Variants in STXBP5L observed in about 807,000 individuals in gnomAD.
STXBP5L encodes the protein syntaxin binding protein 5L.
Under a neutral mutation model 144.5 loss-of-function variants are expected in STXBP5L, and 65 were observed. The ratio of observed to expected loss-of-function variants is 0.45; its 90% CI spans 0.37 to 0.55. STXBP5L has a LOEUF of 0.55. Ranked by LOEUF, STXBP5L falls within the 20% of genes least tolerant of loss-of-function variation. The pLI, the probability that STXBP5L is intolerant of heterozygous loss-of-function variation, is 0.00. For missense variants in STXBP5L, 1,298 were observed against 1,405.5 expected, an observed-to-expected ratio of 0.92 and a Z score of 1.22; for synonymous variants, 505 against 469.6, an observed-to-expected ratio of 1.08 and a Z score of -0.97.
At chr3:121,350,609 A>G (rs2045236841) in intron 20 of STXBP5L, among the ~76,000 whole-genome samples, 1 of 152,062 alleles carries the variant, frequency 6.6e-6, no homozygotes. Flanking sequence ...TCTGATGTAG[A>G]TTTGGTATTT....
At chr3:121,260,962 G>A (rs1482551237) in intron 18 of STXBP5L, among the ~76,000 whole-genome samples, 1 of 152,180 alleles carries the variant, frequency 6.6e-6, no homozygotes, top group Non-Finnish European at 1.5e-5. Flanking sequence ...GGAATGGACT[G>A]TGGGATAGCC....
At chr3:121,395,979 T>G (rs2046720516) in intron 22 of STXBP5L, among the ~76,000 whole-genome samples, 1 of 152,256 alleles carries the variant, frequency 6.6e-6, no homozygotes, top group African/African-American at 2.4e-5. Flanking sequence ...GGTGTCTTGA[T>G]GGTATCCAAA....
intron 8 of STXBP5L, among the ~76,000 whole-genome samples, chr3:121,157,111 T>C (rs1318258098): frequency 6.6e-6 from 1 of 152,130 alleles, no homozygotes; most frequent in Admixed American, 6.6e-5. Context: ...GAGAACGTTT[T>C]TCGTAGTTAG....
chr3:121,348,346 G>A (rs1251983894), intron 20 of STXBP5L, among the ~76,000 whole-genome samples: 4 of 152,120 alleles, frequency 2.6e-5, no homozygotes, highest in Non-Finnish European at 5.9e-5. Flanking sequence ...ATGTGCTGCT[G>A]GATTCGGTTT....
At chr3:120,940,457 T>C (rs1052155404) in intron 2 of STXBP5L, among the ~76,000 whole-genome samples, 4 of 151,874 alleles carry the variant, frequency 2.6e-5, no homozygotes, top group African/African-American at 9.7e-5. Flanking sequence ...GAGGCTGATA[T>C]TAATTAGTGA....
intron 3 of STXBP5L, among the ~76,000 whole-genome samples, chr3:121,028,178 A>G (rs999800663): frequency 2.0e-5 from 3 of 152,120 alleles, no homozygotes; most frequent in African/African-American, 4.8e-5. Flanking sequence ...CAGCTGAATT[A>G]TTTCAAAATC....
chr3:120,960,969 A>T (rs1366252752), intron 3 of STXBP5L, among the ~76,000 whole-genome samples: 1 of 151,622 alleles, frequency 6.6e-6, no homozygotes, highest in Non-Finnish European at 1.5e-5. Flanking sequence ...TTGGTGAAAG[A>T]TTTTTTTTAA....
chr3:121,032,433 C>G (rs574069958), intron 3 of STXBP5L, among the ~76,000 whole-genome samples: 2 of 152,212 alleles, frequency 1.3e-5, no homozygotes, highest in African/African-American at 2.4e-5. Context: ...TTATTAGCCA[C>G]TAGGTAATAA....
intron 2 of STXBP5L, among the ~76,000 whole-genome samples, chr3:120,941,419 A>T (rs1576454530): frequency 6.6e-6 from 1 of 151,884 alleles, no homozygotes; most frequent in East Asian, 1.9e-4. Flanking sequence ...GCATTATATA[A>T]TTCAGTTTAA....
intron 14 of STXBP5L, among the ~76,000 whole-genome samples, chr3:121,244,285 A>G (rs1012423271): frequency 3.3e-5 from 5 of 152,020 alleles, no homozygotes; most frequent in African/African-American, 4.8e-5. Flanking sequence ...TTCATTACAG[A>G]GTGTCAACAA....
At chr3:121,008,593 C>T (rs933401851) in intron 3 of STXBP5L, among the ~76,000 whole-genome samples, 7 of 151,990 alleles carry the variant, frequency 4.6e-5, no homozygotes, top group African/African-American at 1.4e-4. Context: ...TAATAACACA[C>T]TTAAAACTAT....
chr3:120,953,949 A>G (rs1271669288), intron 2 of STXBP5L, among the ~76,000 whole-genome samples: 1 of 152,286 alleles, frequency 6.6e-6, no homozygotes, highest in East Asian at 1.9e-4. Flanking sequence ...TTTTTTATAC[A>G]TGCCATTTAT....
intron 3 of STXBP5L, among the ~76,000 whole-genome samples, chr3:121,036,659 G>T (rs1946772405): frequency 6.6e-6 from 1 of 151,712 alleles, no homozygotes; most frequent in African/African-American, 2.4e-5. Flanking sequence ...ACTTTTCCTA[G>T]TTTACTGGGA....
At chr3:121,208,947 T>C (rs1000926845) in intron 10 of STXBP5L, among the ~76,000 whole-genome samples, 8 of 151,962 alleles carry the variant, frequency 5.3e-5, no homozygotes, top group Non-Finnish European at 1.0e-4. Context: ...GGCCACGGTG[T>C]GTGATGTTCC....
rs573616736 is a variant in STXBP5L at position 121,080,344 on chromosome 3, A to T, written c.471-34581A>T. 5.9e-5 allele frequency among the ~76,000 whole-genome samples: 9 copies of T among 152,124 alleles called. No individual in the cohort carries two copies. In the East Asian group the frequency reaches 1.7e-3, roughly 29 times the overall value. On this transcript the variant is annotated intron_variant, in intron 5 of 26. Coordinates refer to ENST00000471454, the MANE Select transcript of STXBP5L (RefSeq NM_001308330.2). ...CATTCAATATTAGTATTGAGATGTG[A>T]GGTATTGTTCTATTCATCATGTTAG...
At chr3:121,135,912 G>A (rs1042947969) in intron 7 of STXBP5L, among the ~76,000 whole-genome samples, 2 of 152,180 alleles carry the variant, frequency 1.3e-5, no homozygotes, top group Non-Finnish European at 2.9e-5. Context: ...ATCCTCAGTG[G>A]CAGGCGGGCT....
chr3:121,178,800 C>T (rs1195906033), intron 9 of STXBP5L, among the ~76,000 whole-genome samples: 1 of 152,110 alleles, frequency 6.6e-6, no homozygotes, highest in East Asian at 1.9e-4. Context: ...GGGAAGCCAT[C>T]CCTGACTATA....
intron 3 of STXBP5L, among the ~76,000 whole-genome samples, chr3:121,028,264 TAATA>T (rs748720358): frequency 1.3e-5 from 2 of 152,096 alleles, no homozygotes; most frequent in Non-Finnish European, 2.9e-5. Context: ...ATTATGCTAT[TAATA>T]AATAGAAATA....
intron 24 of STXBP5L, among the ~76,000 whole-genome samples, chr3:121,415,581 A>G (rs910494033): frequency 4.6e-5 from 7 of 152,168 alleles, no homozygotes; most frequent in African/African-American, 1.7e-4. Flanking sequence ...ACAGATGGAA[A>G]TTAATCCTAG....
Sources: allele counts gnomAD v4.1 joint callset (sites outside exome capture counted in the v4.1 genomes callset), GRCh38; gene constraint gnomAD v4.1.1; transcripts MANE v1.5; gene names NCBI Gene and HGNC (gene_info 2026-07-23, HGNC 2026-07-21).